The following PAFAH2 variants were observed in gnomAD, a reference collection of about 807,000 sequenced individuals.
PAFAH2 encodes platelet-activating factor acetylhydrolase 2, cytoplasmic.
Under a neutral mutation model 49.0 loss-of-function variants are expected in PAFAH2, and 42 were observed. The observed-to-expected ratio is 0.86, with a 90% CI of 0.67 to 1.11. The LOEUF (loss-of-function observed/expected upper bound fraction) is 1.11, where lower values mean the gene tolerates loss of function less well. PAFAH2 is among the 50% of genes least tolerant of loss of function. The pLI is 0.00. For synonymous variants in PAFAH2, 184 were observed against 181.3 expected, an observed-to-expected ratio of 1.01 and a Z score of -0.12; for missense variants, 503 against 501.8, an observed-to-expected ratio of 1.00 and a Z score of -0.02.
intron 4 of PAFAH2, among the ~76,000 whole-genome samples, chr1:25,986,134 G>A (rs998766807): frequency 2.0e-5 from 3 of 152,214 alleles, no homozygotes; most frequent in African/African-American, 7.2e-5. Flanking sequence ...TTACAATTAT[G>A]TTAAATGCTG....
At chr1:25,971,659 C>T (rs1193213140) in intron 10 of PAFAH2, among the ~76,000 whole-genome samples, 1 of 152,194 alleles carries the variant, frequency 6.6e-6, no homozygotes, top group East Asian at 1.9e-4. Context: ...CACTCCCACC[C>T]AGTCCAGGTG....
Position 25,982,236 on chromosome 1 carries a change from G to C in PAFAH2, c.666+128C>G, listed in dbSNP as rs1018170884. On this transcript the variant is annotated intron_variant, in intron 7 of 10. Transcript: ENST00000374282. ...CTACACTGGCCTAAAGTTGGCCTTTGATCTTCTTGATAGTTATATGAGCCA... is the reference window on the plus strand; with the variant it reads ...CTACACTGGCCTAAAGTTGGCCTTTCATCTTCTTGATAGTTATATGAGCCA... 5 of 678,562 alleles carry C rather than the reference G, an allele frequency of 7.4e-6. No individual in the cohort carries two copies. In the East Asian group the frequency reaches 8.1e-5, roughly 11 times the overall value. 42.0% of individuals were successfully genotyped at this position (678,562 alleles called of 1,614,324 possible).
In PAFAH2 at chr1:25,990,734, T is replaced by G. The variant is rs534965749; in HGVS notation, c.83A>C (p.Asn28Thr). The change falls in exon 2 of 11, where the codon AAT becomes ACT. Residue 28 changes from asparagine (N) to threonine (T), a missense_variant. By Grantham distance (65) the Asn-to-Thr change is moderately conservative. Coordinates refer to ENST00000374282, the MANE Select transcript of PAFAH2 (RefSeq NM_000437.4). The part of the protein sequence containing the change: ...VGCGDVMEGQ[N>T]LQGSFFRLFY... ...GGAGCTGGGGACACTTACCTGGAGA[T>G]TCTGACCCTCCATCACATCCCCACA... The G allele has an allele frequency of 4.0e-5, 65 of 1,613,306 alleles. 1 individual carries two copies. In the South Asian group the frequency reaches 7.1e-4, roughly 18 times the overall value.
chr1:25,984,227 G>C, intron 5 of PAFAH2, 140 bp from the exon 6 acceptor site: 3 of 993,748 alleles, frequency 3.0e-6, no homozygotes, highest in Non-Finnish European at 4.5e-6. Context: ...GCATGCATAG[G>C]GAAGTGGAAA....
intron 10 of PAFAH2, among the ~76,000 whole-genome samples, chr1:25,971,242 G>A (rs886608527): frequency 4.6e-5 from 7 of 152,212 alleles, no homozygotes; most frequent in Non-Finnish European, 7.3e-5. Context: ...CCTGCTGAGG[G>A]ATCAGAAAGG....
At chr1:25,996,937 A>G (rs1033399954) in intron 1 of PAFAH2, among the ~76,000 whole-genome samples, 4 of 152,210 alleles carry the variant, frequency 2.6e-5, no homozygotes, top group African/African-American at 4.8e-5. Context: ...GGCAAAACAG[A>G]TTCTTTCCCA....
chr1:25,984,535 A>G lies in PAFAH2; in HGVS notation c.342-7T>C. ...GAAGGCTGAATACAAAGTCCTGGAG[A>G]TTCAAAAAGGAACAAGGAAAAGGGA... On this transcript the variant is annotated splice_polypyrimidine_tract_variant and splice_region_variant and intron_variant, in intron 4 of 10. Coordinates refer to ENST00000374282, the MANE Select transcript of PAFAH2 (RefSeq NM_000437.4). 6.2e-7 allele frequency: 1 copy of G among 1,612,652 alleles called. No individual in the cohort carries two copies. Among genetic ancestry groups the G allele is most frequent in the Non-Finnish European group, 8.5e-7 (1 of 1,178,806 alleles).
chr1:25,991,889 T>C (rs2049881650), intron 1 of PAFAH2, among the ~76,000 whole-genome samples: 1 of 151,932 alleles, frequency 6.6e-6, no homozygotes, highest in South Asian at 2.1e-4. Flanking sequence ...TGAGACCCTG[T>C]CTCAAAAAAC....
At chr1:25,972,356 C>T (rs2049521744) in intron 10 of PAFAH2, among the ~76,000 whole-genome samples, 1 of 151,992 alleles carries the variant, frequency 6.6e-6, no homozygotes, top group Admixed American at 6.6e-5. Flanking sequence ...CCTCAACCCA[C>T]CAAAGTGCTA....
At chr1:25,972,331 C>T (rs1456582112) in intron 10 of PAFAH2, among the ~76,000 whole-genome samples, 5 of 151,946 alleles carry the variant, frequency 3.3e-5, no homozygotes, top group Admixed American at 3.3e-4. Context: ...CTCCTGGCCC[C>T]AAGCCATCCT....
At chr1:25,983,884 T>C (rs2049734671) in intron 6 of PAFAH2, 62 bp downstream of exon 6, 1 of 1,565,286 alleles carries the variant, frequency 6.4e-7, no homozygotes, top group South Asian at 1.1e-5. Flanking sequence ...AGTCTTGCTA[T>C]CAAATATAGT....
At chr1:25,974,736 C>T (rs1257517454) in intron 8 of PAFAH2, 86 bp from the exon 9 acceptor site, 3 of 1,328,016 alleles carry the variant, frequency 2.3e-6, no homozygotes, top group Non-Finnish European at 3.1e-6. Context: ...GGAGTTCCTC[C>T]CTCTGGTGGG....
Position 25,990,751 on chromosome 1 carries a change from A to T in PAFAH2, c.66T>A (p.Asp22Glu). 1 of 1,613,922 alleles carries T rather than the reference A, an allele frequency of 6.2e-7. No homozygotes were observed. The highest frequency in any genetic ancestry group is 8.5e-7 in the Non-Finnish European group (1 of 1,179,866). ...CCTGGAGATTCTGACCCTCCATCACATCCCCACAGCCTACGAGGTGGGGTC... is the reference window on the plus strand; with the variant it reads ...CCTGGAGATTCTGACCCTCCATCACTTCCCCACAGCCTACGAGGTGGGGTC... The part of the protein sequence containing the change: ...VTGPHLVGCG[D>E]VMEGQNLQGS... The change falls in exon 2 of 11, where the codon GAT (aspartate) becomes GAA (glutamate). Residue 22 changes from aspartate to glutamate, a missense_variant. Asp to Glu is a conservative substitution (Grantham distance 45). Transcript: ENST00000374282.
intron 10 of PAFAH2, chr1:25,964,095 GA>G (rs1235931155): frequency 6.6e-6 from 1 of 152,234 alleles, no homozygotes; most frequent in African/African-American, 2.4e-5. Flanking sequence ...GGCTCTTAGG[GA>G]GACTGGGAGC....
intron 1 of PAFAH2, among the ~76,000 whole-genome samples, chr1:25,995,104 C>A (rs1031268938): frequency 6.6e-6 from 1 of 152,150 alleles, no homozygotes; most frequent in Admixed American, 6.5e-5. Flanking sequence ...CCTTCTTTTG[C>A]TCACTTTGTC....
chr1:25,996,923 C>T (rs990607633), intron 1 of PAFAH2, among the ~76,000 whole-genome samples: 6 of 152,208 alleles, frequency 3.9e-5, no homozygotes, highest in African/African-American at 1.4e-4. Context: ...GGATTAAGCC[C>T]TTTGGCAAAA....
rs753334920 is a variant in PAFAH2, at chr1:25,988,280, C to G, written c.292G>C (p.Asp98His). 1 of 1,610,786 alleles carries G rather than the reference C, an allele frequency of 6.2e-7. No homozygotes were observed. Among genetic ancestry groups the G allele is most frequent in the Admixed American group, 1.7e-5 (1 of 59,542 alleles). ...VSWNGPFKTK[D>H]SGYPLIIFSH... ...AAGATGATCAAGGGGTATCCAGAGT[C>G]CTTTGTCTTAAAGGGGCCATTCCAG... The change falls in exon 4 of 11, where the codon GAC (aspartate) becomes CAC (histidine). Residue 98 changes from aspartate to histidine, a missense_variant. Coordinates refer to ENST00000374282, the MANE Select transcript of PAFAH2 (RefSeq NM_000437.4).
chr1:25,992,175 C>A (rs1434259139), intron 1 of PAFAH2, among the ~76,000 whole-genome samples: 5 of 152,168 alleles, frequency 3.3e-5, no homozygotes, highest in Admixed American at 3.3e-4. Flanking sequence ...AAACAATACA[C>A]CTGCCTAGGC....
In PAFAH2 at chr1:25,988,596, C is replaced by T. The variant is rs373740549; in HGVS notation, c.245-269G>A. Among the ~76,000 whole-genome samples the T allele has an allele frequency of 2.0e-4, 30 of 152,024 alleles. No individual in the cohort carries two copies. The East Asian group carries it at 2.5e-3, about 13-fold the overall frequency. ...TTGGCAGGCCAAGGAGGGCGGATCA[C>T]GAGGTCAAGAGACCAGCCTGGCCAA... On this transcript the variant is annotated intron_variant, in intron 3 of 10. Coordinates refer to ENST00000374282, the MANE Select transcript of PAFAH2 (RefSeq NM_000437.4).
Sources: allele counts gnomAD v4.1 joint callset (sites outside exome capture counted in the v4.1 genomes callset), GRCh38; gene constraint gnomAD v4.1.1; transcripts MANE v1.5; gene names NCBI Gene and HGNC (gene_info 2026-07-23, HGNC 2026-07-21).